TSHZ2: variants seen among roughly 807,000 people sequenced by gnomAD.
TSHZ2 encodes the protein teashirt homolog 2.
TSHZ2 carries 21 observed loss-of-function variants against 74.4 expected under a neutral mutation model. The observed-to-expected ratio is 0.28, with a 90% CI of 0.20 to 0.41. The LOEUF (loss-of-function observed/expected upper bound fraction) is 0.41, where lower values mean the gene tolerates loss of function less well. Among genes scored for constraint, TSHZ2 ranks in the 10% least tolerant of loss-of-function variants. The pLI, the probability that TSHZ2 is intolerant of heterozygous loss-of-function variation, is 1.00. For missense variants in TSHZ2, 1,244 were observed against 1,293.5 expected (o/e 0.96, Z 0.59); for synonymous variants, 540 against 515.3 (o/e 1.05, Z -0.65).
At chr20:53,453,151 T>G (rs1435878429) in intron 2 of TSHZ2, 1 of 152,204 alleles carries the variant, frequency 6.6e-6, no homozygotes, top group Non-Finnish European at 1.5e-5. Context: ...TTGAATGAAC[T>G]GATGAATGAA....
At chr20:53,227,468 A>ACG (rs1355694944) in intron 1 of TSHZ2, among the ~76,000 whole-genome samples, 3 of 96,582 alleles carry the variant, frequency 3.1e-5, no homozygotes, top group African/African-American at 1.1e-4. Context: ...AGGAAAACAC[A>ACG]CACACACACA....
At chr20:53,118,329 TC>T (rs1986723246) in intron 1 of TSHZ2, among the ~76,000 whole-genome samples, 1 of 151,584 alleles carries the variant, frequency 6.6e-6, no homozygotes, top group African/African-American at 2.4e-5. Context: ...AAGAAGAAAA[TC>T]CTAGTGTCTT....
intron 2 of TSHZ2, among the ~76,000 whole-genome samples, chr20:53,354,191 G>C (rs1980760173): frequency 6.6e-6 from 1 of 152,194 alleles, no homozygotes; most frequent in Non-Finnish European, 1.5e-5. Context: ...TAGAATTATG[G>C]GGTAGAGAGC....
rs748554234 is a variant in TSHZ2, at chr20:53,256,164, C to T, written c.2706C>T (p.Asn902=). ...SMTTISHWLA[N]VKYQLRKTGG... ...CCACTATCAGTCACTGGCTGGCCAA[C>T]GTCAAGTACCAGCTTAGGAAAACGG... The change falls in exon 2 of 3, where the codon AAC becomes AAT. Residue 902 remains asparagine (N), a synonymous_variant. Transcript: ENST00000371497. This position sits in a 1 kb window ranked among gnomAD's most constrained non-coding sequence, Gnocchi z 4.3. 8 of 1,612,476 alleles carry T rather than the reference C, an allele frequency of 5.0e-6. No individual in the cohort carries two copies. The East Asian group carries it at 1.1e-4, about 22-fold the overall frequency.
At chr20:53,484,274 C>A (rs938886189) in intron 2 of TSHZ2, among the ~76,000 whole-genome samples, 3 of 152,104 alleles carry the variant, frequency 2.0e-5, no homozygotes, top group Non-Finnish European at 4.4e-5. Context: ...TAGGGTGGTG[C>A]CTGTCATGAG....
intron 1 of TSHZ2, among the ~76,000 whole-genome samples, chr20:53,149,481 G>A (rs1488999009): frequency 3.3e-5 from 5 of 152,264 alleles, no homozygotes; most frequent in South Asian, 2.1e-4. Flanking sequence ...GGAAAGAGAG[G>A]AGGAGTTTCT....
intron 2 of TSHZ2, among the ~76,000 whole-genome samples, chr20:53,388,538 A>G (rs938053166): frequency 3.3e-5 from 5 of 152,108 alleles, no homozygotes; most frequent in African/African-American, 1.2e-4. Context: ...AGAAAATGCC[A>G]GTTGAACATA....
chr20:53,002,356 C>T (rs375009080), intron 1 of TSHZ2, among the ~76,000 whole-genome samples: 3 of 152,136 alleles, frequency 2.0e-5, no homozygotes, highest in Admixed American at 6.6e-5. Flanking sequence ...CTTTGTGGAG[C>T]GTCCATCAGC....
chr20:53,140,376 T>C (rs957607593), intron 1 of TSHZ2, among the ~76,000 whole-genome samples: 2 of 151,412 alleles, frequency 1.3e-5, no homozygotes, highest in African/African-American at 4.8e-5. Flanking sequence ...CTGTCTCTAC[T>C]AAAAATACAA....
intron 1 of TSHZ2, among the ~76,000 whole-genome samples, chr20:53,060,862 T>G (rs1984799789): frequency 6.6e-6 from 1 of 152,148 alleles, no homozygotes; most frequent in Non-Finnish European, 1.5e-5. Flanking sequence ...CACTCAGAAG[T>G]CAGGGCAGGC....
chr20:52,983,166 G>T (rs956465652), intron 1 of TSHZ2, among the ~76,000 whole-genome samples: 3 of 152,188 alleles, frequency 2.0e-5, no homozygotes, highest in Non-Finnish European at 4.4e-5. Context: ...CCGACCTGGG[G>T]TCCAACTGCA....
At chr20:53,402,115 TG>T (rs1860410710) in intron 2 of TSHZ2, among the ~76,000 whole-genome samples, 1 of 152,232 alleles carries the variant, frequency 6.6e-6, no homozygotes, top group East Asian at 1.9e-4. Flanking sequence ...ACTTGGTTGA[TG>T]GACATTTGGG....
chr20:53,052,411 C>T (rs868861051), intron 1 of TSHZ2, among the ~76,000 whole-genome samples: 5 of 152,122 alleles, frequency 3.3e-5, no homozygotes, highest in South Asian at 4.1e-4. Context: ...GTGAACTGTG[C>T]GTGTGAGGGA....
intron 1 of TSHZ2, among the ~76,000 whole-genome samples, chr20:53,086,624 A>G (rs1254000552): frequency 2.0e-5 from 3 of 152,180 alleles, no homozygotes; most frequent in Admixed American, 6.5e-5. Context: ...GGCCTTAACC[A>G]TAAAATAGAA....
intron 2 of TSHZ2, among the ~76,000 whole-genome samples, chr20:53,335,945 T>G (rs574037061): frequency 6.6e-6 from 1 of 152,208 alleles, no homozygotes; most frequent in African/African-American, 2.4e-5. Flanking sequence ...ACATGGGGAG[T>G]CTAATCAGGA....
chr20:53,100,708 C>T (rs1337096219), intron 1 of TSHZ2, among the ~76,000 whole-genome samples: 1 of 152,180 alleles, frequency 6.6e-6, no homozygotes, highest in Non-Finnish European at 1.5e-5. Context: ...ACCCTTCTCT[C>T]CTGCCTCTTT....
chr20:53,209,110 T>C lies in TSHZ2; in HGVS notation c.41-44389T>C, dbSNP rs538500436. Reference sequence around the variant, plus strand: ...AATGCAAATATGCACATTTTTTTTTTCGGAGATGGAGTCTCACTCTGTCAC... The same window carrying C: ...AATGCAAATATGCACATTTTTTTTTCCGGAGATGGAGTCTCACTCTGTCAC... On this transcript the variant is annotated intron_variant, in intron 1 of 2. Coordinates refer to ENST00000371497, the MANE Select transcript of TSHZ2 (RefSeq NM_173485.6). Among the ~76,000 whole-genome samples, 3 of 152,314 alleles carry C rather than the reference T, an allele frequency of 2.0e-5. No homozygotes were observed. The South Asian group carries it at 6.2e-4, about 32-fold the overall frequency.
At chr20:53,451,633 A>G (rs1984788990) in intron 2 of TSHZ2, among the ~76,000 whole-genome samples, 2 of 152,196 alleles carry the variant, frequency 1.3e-5, no homozygotes. Context: ...GCCTGTCATG[A>G]CACTGTCTCT....
chr20:53,236,104 C>T (rs1223802453), intron 1 of TSHZ2, among the ~76,000 whole-genome samples: 1 of 152,196 alleles, frequency 6.6e-6, no homozygotes, highest in East Asian at 1.9e-4. Context: ...TCAGGTTAAC[C>T]ATGTAAATCT....
Sources: gnomAD v4.1 joint callset for allele counts (sites outside exome capture counted in the v4.1 genomes callset) on GRCh38, gnomAD v4.1.1 for gene constraint, Gnocchi (gnomAD v3.1) non-coding constraint, MANE v1.5 for transcripts, NCBI Gene and HGNC (gene_info 2026-07-23, HGNC 2026-07-21) for gene names.